KMT5B: variants seen among roughly 807,000 people sequenced by gnomAD.
KMT5B encodes the protein histone-lysine N-methyltransferase KMT5B.
Under a neutral mutation model 83.2 loss-of-function variants are expected in KMT5B, and 10 were observed. The ratio of observed to expected loss-of-function variants is 0.12; its 90% confidence interval spans 0.07 to 0.20. The LOEUF is 0.20. Ranked by LOEUF, KMT5B falls within the 10% of genes least tolerant of loss-of-function variation. The pLI, the probability that KMT5B is intolerant of heterozygous loss-of-function variation, is 1.00. For missense variants in KMT5B, 753 were observed against 1,067.2 expected (o/e 0.71, Z 4.10); for synonymous variants, 349 against 388.8 (o/e 0.90, Z 1.20).
intron 1 of KMT5B, among the ~76,000 whole-genome samples, chr11:68,202,401 C>A (rs934888034): frequency 2.6e-5 from 4 of 152,198 alleles, no homozygotes; most frequent in Admixed American, 6.5e-5. Context: ...TCAGTCCCTG[C>A]CCAACCCCAC....
At chr11:68,191,523 A>T (rs145916226) in intron 1 of KMT5B, among the ~76,000 whole-genome samples, 7,821 of 151,878 alleles carry the variant, frequency 0.051, 221 homozygotes, top group African/African-American at 0.063. Flanking sequence ...TAGTAGAGAC[A>T]GGGTTTTACC....
chr11:68,188,363 A>G (rs543955686), intron 2 of KMT5B, among the ~76,000 whole-genome samples: 53 of 147,132 alleles, frequency 3.6e-4, no homozygotes, highest in African/African-American at 1.3e-3. Context: ...TTTTCTTTAA[A>G]CAAGAGTCTC....
chr11:68,210,740 G>A (rs913865983), intron 1 of KMT5B, among the ~76,000 whole-genome samples: 2 of 152,176 alleles, frequency 1.3e-5, no homozygotes, highest in African/African-American at 2.4e-5. Flanking sequence ...TTAACATGCA[G>A]TATTGTAGCT....
Position 68,157,711 on chromosome 11 carries a change from G to T in KMT5B, c.2635C>A (p.Gln879Lys). ...GCTTAGGCATTAAGCCTTAAAGACT[G>T]ATCTTCTCTTCTCCTTGAAGAAATG... ...IDISSRRRED[Q>K]SLRLNA The change falls in exon 11 of 11, where the codon CAG becomes AAG. Residue 879 changes from glutamine to lysine, a missense_variant. By Grantham distance (53) the Gln-to-Lys change is moderately conservative. Transcript: ENST00000304363. The T allele has an allele frequency of 6.3e-7, 1 of 1,592,248 alleles. No individual in the cohort carries two copies. Among genetic ancestry groups the T allele is most frequent in the South Asian group, 1.1e-5 (1 of 87,730 alleles).
At chr11:68,166,792 T>C in intron 10 of KMT5B, 190 bp downstream of exon 10, 2 of 1,426,724 alleles carry the variant, frequency 1.4e-6, no homozygotes, top group Non-Finnish European at 9.1e-7. Context: ...AGGACGGTAC[T>C]GAAGTTAGAG....
intron 1 of KMT5B, among the ~76,000 whole-genome samples, chr11:68,211,809 A>C (rs1860943764): frequency 6.6e-6 from 1 of 152,186 alleles, no homozygotes; most frequent in South Asian, 2.1e-4. Flanking sequence ...AGAGCTTGGG[A>C]GAGGGACCAG....
At position 68,164,667 on chromosome 11, in the gene KMT5B, G is replaced by C. The variant is rs769782855; in HGVS notation, c.1174+2315C>G. 5.8e-6 allele frequency: 3 copies of C among 514,646 alleles called. No homozygotes were observed. The East Asian group carries it at 1.6e-4, about 28-fold the overall frequency. The allele number at this position is 514,646 out of a possible 1,614,324, so 31.9% of individuals were successfully genotyped here. On this transcript the variant is annotated intron_variant, in intron 10 of 10. Coordinates refer to ENST00000304363, the MANE Select transcript of KMT5B (RefSeq NM_017635.5). Reference sequence around the variant, plus strand: ...AGTTAGTCATACTGATCCTTGGATTGCTCCAATCATGCTGCAGAAAGGGAA... The same window carrying C: ...AGTTAGTCATACTGATCCTTGGATTCCTCCAATCATGCTGCAGAAAGGGAA...
At chr11:68,207,374 T>G (rs1860262117) in intron 1 of KMT5B, among the ~76,000 whole-genome samples, 1 of 152,158 alleles carries the variant, frequency 6.6e-6, no homozygotes, top group Non-Finnish European at 1.5e-5. Flanking sequence ...CAAACATCAC[T>G]GCCCTTTAAC....
chr11:68,171,348 A>G lies in KMT5B; in HGVS notation c.821-97T>C. 1.4e-6 allele frequency: 2 copies of G among 1,468,994 alleles called. No individual in the cohort carries two copies. Among genetic ancestry groups the G allele is most frequent in the Non-Finnish European group, 1.9e-6 (2 of 1,069,730 alleles). 91.0% of individuals were successfully genotyped at this position (1,468,994 alleles called of 1,614,324 possible). A position where few individuals can be genotyped will look rare whatever the true frequency, so the allele number is the denominator to read the frequency against. On this transcript the variant is annotated intron_variant, in intron 7 of 10. Coordinates refer to ENST00000304363, the MANE Select transcript of KMT5B (RefSeq NM_017635.5). This position sits in a 1 kb window ranked among gnomAD's most constrained non-coding sequence, Gnocchi z 5.1. ...TGAAATAAGCTTTCCATATAACTTT[A>G]CAACTTTTGATAGGAGTTTAGGTCT... is the stretch of plus-strand genomic sequence containing the variant.
chr11:68,210,770 G>A (rs1166438434), intron 1 of KMT5B, among the ~76,000 whole-genome samples: 2 of 152,156 alleles, frequency 1.3e-5, no homozygotes, highest in Non-Finnish European at 2.9e-5. Flanking sequence ...ATGGAGCGGA[G>A]GGAGGACACA....
At chr11:68,182,230 G>A (rs1476217844) in intron 3 of KMT5B, among the ~76,000 whole-genome samples, 3 of 152,064 alleles carry the variant, frequency 2.0e-5, no homozygotes, top group Admixed American at 6.5e-5. Flanking sequence ...GAAACTCCTA[G>A]TAAGGTATTT....
intron 10 of KMT5B, chr11:68,166,665 T>C (rs1855347322): frequency 2.7e-6 from 3 of 1,121,764 alleles, no homozygotes; most frequent in Non-Finnish European, 2.2e-6. Context: ...TTGCAGGACT[T>C]AGCGACATCA....
intron 10 of KMT5B, chr11:68,165,957 G>T: frequency 1.2e-6 from 2 of 1,612,874 alleles, no homozygotes; most frequent in Non-Finnish European, 1.7e-6. Context: ...CTCTGTAGTG[G>T]AAGAGAGCAC....
chr11:68,168,767 T>C (rs1855562570), intron 9 of KMT5B, among the ~76,000 whole-genome samples: 2 of 152,240 alleles, frequency 1.3e-5, no homozygotes, highest in South Asian at 2.1e-4. Flanking sequence ...TCAGTGTCTC[T>C]GCACACGTGA....
At chr11:68,182,166 T>C (rs1190515117) in intron 3 of KMT5B, among the ~76,000 whole-genome samples, 2 of 152,214 alleles carry the variant, frequency 1.3e-5, no homozygotes, top group Non-Finnish European at 2.9e-5. Flanking sequence ...AAAATATTTG[T>C]GTGGTAATCC....
intron 1 of KMT5B, among the ~76,000 whole-genome samples, chr11:68,195,828 T>C (rs1858632129): frequency 6.6e-6 from 1 of 152,202 alleles, no homozygotes; most frequent in Non-Finnish European, 1.5e-5. Flanking sequence ...TTTAGTTATA[T>C]ATGTGTAAAT....
intron 4 of KMT5B, among the ~76,000 whole-genome samples, chr11:68,175,627 T>A (rs576492450): frequency 6.6e-5 from 10 of 152,288 alleles, no homozygotes; most frequent in African/African-American, 2.4e-4. Context: ...AGAATCTTTT[T>A]AAAACATGCA....
chr11:68,199,837 G>A (rs774085189), intron 1 of KMT5B, among the ~76,000 whole-genome samples: 30 of 152,158 alleles, frequency 2.0e-4, no homozygotes, highest in African/African-American at 6.5e-4. Flanking sequence ...GCTGATAGTC[G>A]GGAACTGCTG....
intron 10 of KMT5B, among the ~76,000 whole-genome samples, chr11:68,165,469 A>G (rs1287047763): frequency 3.3e-5 from 5 of 151,534 alleles, no homozygotes; most frequent in Admixed American, 3.3e-4. Context: ...GTGCCACTGC[A>G]CTCCAGCCTG....
Sources: allele counts gnomAD v4.1 joint callset (sites outside exome capture counted in the v4.1 genomes callset), GRCh38; gene constraint gnomAD v4.1.1; non-coding constraint Gnocchi (gnomAD v3.1); transcripts MANE v1.5; gene names NCBI Gene and HGNC (gene_info 2026-07-23, HGNC 2026-07-21).